HCRTR2: variants seen among roughly 807,000 people sequenced by gnomAD.
HCRTR2 encodes orexin receptor type 2.
In HCRTR2, 22 loss-of-function variants were observed where a neutral mutation model predicts 49.0. The observed-to-expected ratio is 0.45, with a 90% CI of 0.32 to 0.64. The LOEUF (loss-of-function observed/expected upper bound fraction) is 0.64, where lower values mean the gene tolerates loss of function less well. Ranked by LOEUF, HCRTR2 falls within the 30% of genes least tolerant of loss-of-function variation. HCRTR2 has a pLI of 0.04. For missense variants in HCRTR2, 491 were observed against 559.4 expected, an observed-to-expected ratio of 0.88 and a Z score of 1.23; for synonymous variants, 236 against 205.3, an observed-to-expected ratio of 1.15 and a Z score of -1.28.
chr6:55,194,955 T>A (rs997820962), intron 1 of HCRTR2, among the ~76,000 whole-genome samples: 13 of 152,140 alleles, frequency 8.5e-5, no homozygotes, highest in Non-Finnish European at 1.9e-4. Flanking sequence ...AAAACAAACA[T>A]GGAGTGACTC....
intron 1 of HCRTR2, among the ~76,000 whole-genome samples, chr6:55,223,355 C>G (rs1562012494): frequency 6.6e-6 from 1 of 152,070 alleles, no homozygotes; most frequent in Non-Finnish European, 1.5e-5. Context: ...ATTCTATTCT[C>G]CTTTGTGCCT....
intron 1 of HCRTR2, among the ~76,000 whole-genome samples, chr6:55,150,727 A>AT (rs1280433798): frequency 6.6e-6 from 1 of 151,790 alleles, no homozygotes; most frequent in Non-Finnish European, 1.5e-5. Flanking sequence ...TTCTTTATCC[A>AT]TTTTTCTATT....
intron 1 of HCRTR2, among the ~76,000 whole-genome samples, chr6:55,179,725 T>G (rs1765099423): frequency 6.6e-6 from 1 of 152,210 alleles, no homozygotes. Flanking sequence ...CTCCAGTTTT[T>G]AGAAAACTGT....
intron 1 of HCRTR2, among the ~76,000 whole-genome samples, chr6:55,201,884 T>A (rs1765519105): frequency 6.6e-6 from 1 of 152,202 alleles, no homozygotes; most frequent in Non-Finnish European, 1.5e-5. Flanking sequence ...GCTACTTACA[T>A]TGCTCAAATT....
At chr6:55,239,201 C>T (rs558317568) in intron 1 of HCRTR2, among the ~76,000 whole-genome samples, 17 of 152,292 alleles carry the variant, frequency 1.1e-4, no homozygotes, top group South Asian at 6.2e-4. Flanking sequence ...TGGAACCTTC[C>T]GTCTTCCTAA....
upstream of HCRTR2, among the ~76,000 whole-genome samples, chr6:55,172,192 CA>C (rs1050319595): frequency 2.4e-4 from 37 of 152,272 alleles, no homozygotes; most frequent in African/African-American, 8.7e-4. Flanking sequence ...TTCAAATTAA[CA>C]GAATGAAATT....
intron 1 of HCRTR2, among the ~76,000 whole-genome samples, chr6:55,227,650 G>C (rs1452634013): frequency 6.6e-6 from 1 of 152,108 alleles, no homozygotes; most frequent in Non-Finnish European, 1.5e-5. Flanking sequence ...ATCAGTCTGA[G>C]AACAGCTACT....
intron 1 of HCRTR2, among the ~76,000 whole-genome samples, chr6:55,212,135 G>A (rs1270717377): frequency 6.6e-6 from 1 of 152,150 alleles, no homozygotes; most frequent in Non-Finnish European, 1.5e-5. Flanking sequence ...ACAAATTCCT[G>A]TGCGAAGATT....
intron 1 of HCRTR2, among the ~76,000 whole-genome samples, chr6:55,221,616 A>T (rs189994165): frequency 1.4e-3 from 219 of 152,174 alleles, no homozygotes; most frequent in Non-Finnish European, 2.7e-3. Context: ...GATCGAGACC[A>T]TCCTGGCTAA....
rs1406582957 is a variant in HCRTR2, at chr6:55,174,693, G to C, written c.106G>C (p.Asp36His). The C allele has an allele frequency of 6.2e-7, 1 of 1,613,982 alleles. No individual in the cohort carries two copies. ...CTTTTTAAACCCCACCGACTATGACGACGAGGAATTCCTGCGGTACCTGTG... is the reference window on the plus strand; with the variant it reads ...CTTTTTAAACCCCACCGACTATGACCACGAGGAATTCCTGCGGTACCTGTG... The part of the protein sequence containing the change: ...EPFLNPTDYD[D>H]EEFLRYLWRE... Residue 36 changes from aspartate to histidine, a missense_variant, in exon 1 of 7, where the codon GAC becomes CAC. Coordinates refer to ENST00000370862, the MANE Select transcript of HCRTR2 (RefSeq NM_001384272.1).
In HCRTR2 at chr6:55,192,570, CAAAA is replaced by C. The variant is rs1232029984; in HGVS notation, c.223+17762_223+17765del. 4.6e-5 allele frequency among the ~76,000 whole-genome samples: 7 copies of C among 152,072 alleles called. No homozygotes were observed. In the East Asian group the frequency reaches 9.6e-4, roughly 21 times the overall value. ...CACCACTGCACTGCAGCCTGGGTGACAAAAAGAAAGTCATTATCTTCAACACTGT... is the reference window on the plus strand; with the variant it reads ...CACCACTGCACTGCAGCCTGGGTGACAGAAAGTCATTATCTTCAACACTGT... On this transcript the variant is annotated intron_variant, in intron 1 of 6. Coordinates refer to ENST00000370862, the MANE Select transcript of HCRTR2 (RefSeq NM_001384272.1).
chr6:55,174,192 C>CTTTT, upstream of HCRTR2: 1 of 175,580 alleles, frequency 5.7e-6, no homozygotes, highest in South Asian at 1.1e-4. Flanking sequence ...GTTTTCATTA[C>CTTTT]TTTTTTTTTT....
At chr6:55,222,157 T>C (rs1448192489) in intron 1 of HCRTR2, among the ~76,000 whole-genome samples, 2 of 152,120 alleles carry the variant, frequency 1.3e-5, no homozygotes, top group Non-Finnish European at 2.9e-5. Flanking sequence ...ACCTGATGGA[T>C]ATCTCTCCAA....
At chr6:55,228,656 A>G (rs1390431737) in intron 1 of HCRTR2, among the ~76,000 whole-genome samples, 1 of 152,164 alleles carries the variant, frequency 6.6e-6, no homozygotes, top group Non-Finnish European at 1.5e-5. Context: ...GTCACATTCC[A>G]TTTATCTGCA....
chr6:55,185,285 C>T (rs1383514534), intron 1 of HCRTR2, among the ~76,000 whole-genome samples: 2 of 152,086 alleles, frequency 1.3e-5, no homozygotes, highest in Non-Finnish European at 2.9e-5. Flanking sequence ...ATACTTTGGA[C>T]ACAGGAAAAC....
intron 1 of HCRTR2, among the ~76,000 whole-genome samples, chr6:55,224,037 A>T (rs1315786848): frequency 6.6e-6 from 1 of 152,166 alleles, no homozygotes; most frequent in Non-Finnish European, 1.5e-5. Flanking sequence ...TCAATGAGAG[A>T]TTTTATTAGA....
chr6:55,268,899 G>A (rs1766914205), intron 4 of HCRTR2, among the ~76,000 whole-genome samples: 1 of 151,788 alleles, frequency 6.6e-6, no homozygotes, highest in Admixed American at 6.6e-5. Context: ...GACCATCCTA[G>A]CTAACATGGT....
At chr6:55,215,657 T>C (rs573817150) in intron 1 of HCRTR2, among the ~76,000 whole-genome samples, 5 of 152,284 alleles carry the variant, frequency 3.3e-5, no homozygotes, top group Admixed American at 2.6e-4. Context: ...AATATGTAAT[T>C]TGTGATACTG....
chr6:55,255,143 C>CGGT lies in HCRTR2; in HGVS notation c.412_414dup (p.Val138dup). ...GATCTTTCTTTTCTCTAGACCGTGT[C>CGGT]GGTGTCTGTGTCTGTCCTCACACTG... On this transcript the variant is annotated inframe_insertion, in exon 3 of 7. Coordinates refer to ENST00000370862, the MANE Select transcript of HCRTR2 (RefSeq NM_001384272.1). The CGGT allele has an allele frequency of 6.2e-7, 1 of 1,613,702 alleles. No homozygotes were observed. Among genetic ancestry groups the CGGT allele is most frequent in the Non-Finnish European group, 8.5e-7 (1 of 1,179,838 alleles).
Sources: allele counts gnomAD v4.1 joint callset (sites outside exome capture counted in the v4.1 genomes callset), GRCh38; gene constraint gnomAD v4.1.1; transcripts MANE v1.5; gene names NCBI Gene and HGNC (gene_info 2026-07-23, HGNC 2026-07-21).